PNPLA8: variants seen among roughly 807,000 people sequenced by gnomAD.
PNPLA8 encodes the protein patatin like domain 8, phospholipase A2.
A neutral mutation model predicts 76.9 loss-of-function variants in PNPLA8; 39 were observed. The observed-to-expected ratio is 0.51, with a 90% CI of 0.39 to 0.66. PNPLA8 has a LOEUF of 0.66. Ranked by LOEUF, PNPLA8 falls within the 30% of genes least tolerant of loss-of-function variation. PNPLA8 has a pLI of 0.00. For missense variants in PNPLA8, 887 were observed against 918.0 expected, an observed-to-expected ratio of 0.97 and a Z score of 0.44; for synonymous variants, 301 against 307.9, an observed-to-expected ratio of 0.98 and a Z score of 0.24.
intron 7 of PNPLA8, among the ~76,000 whole-genome samples, chr7:108,493,139 T>C (rs1421579568): frequency 6.6e-6 from 1 of 152,166 alleles, no homozygotes; most frequent in African/African-American, 2.4e-5. Context: ...TTGGAGTGGC[T>C]TGTTCTGCAG....
Position 108,515,365 on chromosome 7 carries a change from GGCTTATCCTCCAGTAAT to G in PNPLA8, c.110_126del (p.His37ProfsTer16). ...TGAAAACCTCTTTGTAGACTGATGTGGCTTATCCTCCAGTAATGCTTAGGTGAGAACAAGAAATACAG... is the reference window on the plus strand; with the variant it reads ...TGAAAACCTCTTTGTAGACTGATGTGGCTTAGGTGAGAACAAGAAATACAG... On this transcript the variant is annotated frameshift_variant, in exon 3 of 11. Coordinates refer to ENST00000257694, the MANE Select transcript of PNPLA8 (RefSeq NM_001256007.3). LOFTEE classifies it high-confidence loss of function. 2 of 1,613,096 alleles carry G rather than the reference GGCTTATCCTCCAGTAAT, an allele frequency of 1.2e-6. No individual in the cohort carries two copies. The highest frequency in any genetic ancestry group is 1.7e-6 in the Non-Finnish European group (2 of 1,179,380).
At chr7:108,504,702 T>C (rs1331187425) in intron 4 of PNPLA8, among the ~76,000 whole-genome samples, 5 of 152,216 alleles carry the variant, frequency 3.3e-5, no homozygotes, top group Non-Finnish European at 1.5e-5. Flanking sequence ...GGAGGATTTA[T>C]ACTACCTAGG....
rs563109669 is a variant in PNPLA8, at chr7:108,472,837, T to C, written c.2075-162A>G. Among the ~76,000 whole-genome samples, 15 of 152,312 alleles carry C rather than the reference T, an allele frequency of 9.8e-5. 1 individual carries two copies. Among genetic ancestry groups the C allele is most frequent in the African/African-American group, 3.6e-4 (15 of 41,572 alleles). ...AACTGACAGTAGAAGTAATCCATAA[T>C]AATGGGTAAAACTATAAGATAAAAT... is the stretch of plus-strand genomic sequence containing the variant. On this transcript the variant is annotated intron_variant, in intron 10 of 10. Transcript: ENST00000257694.
chr7:108,516,306 G>A (rs1563986828), intron 2 of PNPLA8, among the ~76,000 whole-genome samples: 1 of 152,144 alleles, frequency 6.6e-6, no homozygotes. Context: ...TCCAGAAACA[G>A]ACCCAATTAA....
intron 8 of PNPLA8, 31 bp downstream of exon 8, chr7:108,491,379 A>T: frequency 7.4e-7 from 1 of 1,356,574 alleles, no homozygotes; most frequent in Non-Finnish European, 1.1e-6. Flanking sequence ...AGATGGAACT[A>T]GGTGTTATAT....
At chr7:108,488,823 G>A (rs1860933904) in intron 8 of PNPLA8, among the ~76,000 whole-genome samples, 1 of 152,162 alleles carries the variant, frequency 6.6e-6, no homozygotes, top group South Asian at 2.1e-4. Flanking sequence ...TACATGAAAT[G>A]TGCTGTTTTA....
chr7:108,490,447 T>C (rs970536839), intron 8 of PNPLA8, among the ~76,000 whole-genome samples: 2 of 152,218 alleles, frequency 1.3e-5, no homozygotes, highest in African/African-American at 4.8e-5. Context: ...TGATGCATGA[T>C]TGTATTGTAT....
At chr7:108,520,062 T>C (rs1398573934) in intron 2 of PNPLA8, among the ~76,000 whole-genome samples, 3 of 152,196 alleles carry the variant, frequency 2.0e-5, no homozygotes, top group Middle Eastern at 6.3e-3. Context: ...AATAGCTATA[T>C]AAGTATGTGG....
intron 7 of PNPLA8, among the ~76,000 whole-genome samples, chr7:108,496,046 C>T (rs1861523947): frequency 6.6e-6 from 1 of 152,014 alleles, no homozygotes; most frequent in Admixed American, 6.6e-5. Flanking sequence ...GGAGCCTGAG[C>T]AACATGGTGA....
At chr7:108,493,292 A>G (rs1372729555) in intron 7 of PNPLA8, among the ~76,000 whole-genome samples, 4 of 152,240 alleles carry the variant, frequency 2.6e-5, no homozygotes, top group African/African-American at 4.8e-5. Flanking sequence ...AGATACTCTC[A>G]TAAGTAACAA....
At chr7:108,482,120 C>T (rs1463969182) in intron 9 of PNPLA8, among the ~76,000 whole-genome samples, 1 of 152,086 alleles carries the variant, frequency 6.6e-6, no homozygotes, top group Admixed American at 6.6e-5. Flanking sequence ...GACTACTGTA[C>T]CTTTAGAGTA....
At chr7:108,477,955 C>T (rs1357330304) in intron 10 of PNPLA8, among the ~76,000 whole-genome samples, 1 of 152,176 alleles carries the variant, frequency 6.6e-6, no homozygotes, top group African/African-American at 2.4e-5. Flanking sequence ...GCACTGGAGT[C>T]AACAGCAAAC....
Position 108,515,278 on chromosome 7 carries a change from A to T in PNPLA8, c.214T>A (p.Tyr72Asn). 6.2e-7 allele frequency: 1 copy of T among 1,608,604 alleles called. No individual in the cohort carries two copies. Among genetic ancestry groups the T allele is most frequent in the Non-Finnish European group, 8.5e-7 (1 of 1,177,406 alleles). Residue 72 changes from tyrosine (Y) to asparagine (N), a missense_variant, in exon 3 of 11, where the codon TAC becomes AAC. Physicochemically the swap from Tyr to Asn is moderately radical, Grantham distance 143 (BLOSUM62 -2). Transcript: ENST00000257694. ...TGTAAACCATGGTTGCTTGGAGAGT[A>T]ACAGTGCTTACTGCAAGAATGTGCT... ...SEAHSCSKHCYSPSNHGLHIG... is the reference protein window; with the variant it reads ...SEAHSCSKHCNSPSNHGLHIG...
At position 108,515,497 on chromosome 7, in the gene PNPLA8, A is replaced by C. The variant is rs1194041934; in HGVS notation, c.-6T>G. On this transcript the variant is annotated 5_prime_UTR_variant, in exon 3 of 11. Transcript: ENST00000257694. ...ACAGTCAGATTAATAGACATAACTT[A>C]AAAATCATTTATTTTCTATGACATT... 1.1e-5 allele frequency: 16 copies of C among 1,396,710 alleles called. No homozygotes were observed. Among genetic ancestry groups the C allele is most frequent in the Non-Finnish European group, 1.5e-5 (16 of 1,066,720 alleles). The allele number at this position is 1,396,710 out of a possible 1,614,324, so 86.5% of individuals were successfully genotyped here. A position where few individuals can be genotyped will look rare whatever the true frequency, so the allele number is the denominator to read the frequency against.
chr7:108,521,289 C>T (rs1222376572), intron 2 of PNPLA8, among the ~76,000 whole-genome samples, 187 bp downstream of exon 2: 1 of 152,154 alleles, frequency 6.6e-6, no homozygotes, highest in Non-Finnish European at 1.5e-5. Context: ...GAAATGAAAA[C>T]TCCAGCTATG....
intron 1 of PNPLA8, among the ~76,000 whole-genome samples, chr7:108,524,014 TAG>T (rs1177939122): frequency 6.6e-6 from 1 of 152,170 alleles, no homozygotes; most frequent in Admixed American, 6.5e-5. Context: ...GACAATTTAA[TAG>T]GAGAGAAAAA....
chr7:108,483,383 G>A (rs989417775), intron 9 of PNPLA8, among the ~76,000 whole-genome samples: 1 of 152,294 alleles, frequency 6.6e-6, no homozygotes. Context: ...TCTATTGCTT[G>A]CTCTATTCTC....
At chr7:108,484,109 G>A (rs978665716) in intron 9 of PNPLA8, among the ~76,000 whole-genome samples, 1 of 152,134 alleles carries the variant, frequency 6.6e-6, no homozygotes, top group Non-Finnish European at 1.5e-5. Flanking sequence ...AGCAAGAAAC[G>A]ATAACTGCAA....
At chr7:108,526,874 A>T (rs922948203), upstream of PNPLA8, among the ~76,000 whole-genome samples, 2 of 152,150 alleles carry the variant, frequency 1.3e-5, no homozygotes, top group African/African-American at 4.8e-5. Flanking sequence ...TGGGTTTCAC[A>T]TTTTTCAAAG....
Sources: allele counts gnomAD v4.1 joint callset (sites outside exome capture counted in the v4.1 genomes callset), GRCh38; gene constraint gnomAD v4.1.1; transcripts MANE v1.5; gene names NCBI Gene and HGNC (gene_info 2026-07-23, HGNC 2026-07-21).